Variants in TBC1D9B observed in about 807,000 individuals in gnomAD.
The protein encoded by TBC1D9B is TBC1 domain family member 9B.
Under a neutral mutation model 121.1 loss-of-function variants are expected in TBC1D9B, and 87 were observed. The ratio of observed to expected loss-of-function variants is 0.72; its 90% CI spans 0.60 to 0.86. The LOEUF (loss-of-function observed/expected upper bound fraction) is 0.86, where lower values mean the gene tolerates loss of function less well. TBC1D9B is among the 40% of genes least tolerant of loss of function. TBC1D9B has a pLI of 0.00. For synonymous variants in TBC1D9B, 668 were observed against 670.1 expected (o/e 1.00, Z 0.05); for missense variants, 1,540 against 1,628.6 (o/e 0.95, Z 0.94).
chr5:179,878,569 T>C (rs1458973417), intron 9 of TBC1D9B, 46 bp from the exon 10 acceptor site: 2 of 1,542,812 alleles, frequency 1.3e-6, no homozygotes, highest in Admixed American at 2.0e-5. Flanking sequence ...CTTCTGGTAC[T>C]TTGGGGGCAG....
chr5:179,904,552 G>A lies in TBC1D9B; in HGVS notation c.229+150C>T, dbSNP rs966823080. 1.4e-4 allele frequency: 101 copies of A among 718,642 alleles called. 1 individual carries two copies. The highest frequency in any genetic ancestry group is 2.2e-4 in the Non-Finnish European group (96 of 428,552). The allele number at this position is 718,642 out of a possible 1,614,324, so 44.5% of individuals were successfully genotyped here. A position where few individuals can be genotyped will look rare whatever the true frequency, so the allele number is the denominator to read the frequency against. ...GGAGCTGCCTTTCTAAGATGGAAGC[G>A]AAGGCTCCTCCACTTCCCTCTTGCA... On this transcript the variant is annotated intron_variant, in intron 2 of 20. Transcript: ENST00000355235. The surrounding 1 kb of genome is among the most constrained non-coding windows in gnomAD (Gnocchi z 4.2).
intron 16 of TBC1D9B, 104 bp downstream of exon 16, chr5:179,870,151 C>A (rs1760145056): frequency 2.6e-6 from 4 of 1,544,090 alleles, no homozygotes; most frequent in Non-Finnish European, 2.6e-6. Flanking sequence ...CAAGCTGCCC[C>A]CTACTTGCTG....
chr5:179,897,227 G>A (rs2113644636), intron 3 of TBC1D9B, among the ~76,000 whole-genome samples: 1 of 152,064 alleles, frequency 6.6e-6, no homozygotes. Flanking sequence ...TCTTTTGTAA[G>A]ACTGAAGGCT....
intron 10 of TBC1D9B, among the ~76,000 whole-genome samples, chr5:179,876,271 C>T (rs972609130): frequency 2.6e-5 from 4 of 152,210 alleles, no homozygotes; most frequent in African/African-American, 9.7e-5. Context: ...ACTGCCCCTA[C>T]CCAACTCTGG....
rs1760821039 is a variant in TBC1D9B at position 179,890,183 on chromosome 5, C to T, written c.1044+1196G>A. ...AGCTGCGTGCGCAAAAGCCTGCAGG[C>T]TGGAACGTGGAGGAGCAGGTGTGTT... On this transcript the variant is annotated intron_variant, in intron 6 of 20. Coordinates refer to ENST00000355235, the MANE Select transcript of TBC1D9B (RefSeq NM_015043.4). The surrounding 1 kb of genome is among the most constrained non-coding windows in gnomAD (Gnocchi z 5.0). Among the ~76,000 whole-genome samples the T allele has an allele frequency of 6.6e-6, 1 of 152,218 alleles. No individual in the cohort carries two copies.
chr5:179,879,275 C>T (rs763302335), intron 8 of TBC1D9B, 78 bp from the exon 9 acceptor site: 30 of 1,526,090 alleles, frequency 2.0e-5, no homozygotes, highest in Non-Finnish European at 2.4e-5. Context: ...GCGGAAGCCT[C>T]GTGAACACTC....
At chr5:179,880,310 G>A (rs1399459263) in intron 7 of TBC1D9B, among the ~76,000 whole-genome samples, 1 of 152,258 alleles carries the variant, frequency 6.6e-6, no homozygotes, top group East Asian at 1.9e-4. Context: ...AAGGCCTGCT[G>A]CTGCCATCAT....
intron 7 of TBC1D9B, chr5:179,884,244 C>T (rs1315332957): frequency 2.0e-5 from 3 of 152,216 alleles, no homozygotes; most frequent in Non-Finnish European, 4.4e-5. Flanking sequence ...GGCTGTCTCT[C>T]AGATTCACTT....
At chr5:179,866,002 GC>G in intron 18 of TBC1D9B, 114 bp from the exon 19 acceptor site, 4 of 1,321,936 alleles carry the variant, frequency 3.0e-6, no homozygotes, top group Non-Finnish European at 4.3e-6. Context: ...CCCAGGCCAG[GC>G]CCTGGGGAGC....
At chr5:179,881,996 G>A (rs1409186958) in intron 7 of TBC1D9B, among the ~76,000 whole-genome samples, 1 of 145,238 alleles carries the variant, frequency 6.9e-6, no homozygotes, top group Non-Finnish European at 1.5e-5. Flanking sequence ...CCAGGCAGGA[G>A]TACAGAGGTG....
At chr5:179,873,018 C>T (rs765970760) in intron 13 of TBC1D9B, 28 bp from the exon 14 acceptor site, 43 of 1,613,776 alleles carry the variant, frequency 2.7e-5, no homozygotes, top group Non-Finnish European at 3.6e-5. Context: ...TTGGTGAGAT[C>T]AAGCCAACTG....
chr5:179,873,102 C>T lies in TBC1D9B; in HGVS notation c.2316+17G>A, dbSNP rs1428910501. The T allele has an allele frequency of 6.2e-7, 1 of 1,610,302 alleles. No individual in the cohort carries two copies. The highest frequency in any genetic ancestry group is 8.5e-7 in the Non-Finnish European group (1 of 1,177,856). On this transcript the variant is annotated intron_variant, in intron 13 of 20. Coordinates refer to ENST00000355235, the MANE Select transcript of TBC1D9B (RefSeq NM_015043.4). ...AGATGGAGCGGCCTGGCCAAAATGGCCCCACTGGGTGCTGACCTCATAGGA... is the reference window on the plus strand; with the variant it reads ...AGATGGAGCGGCCTGGCCAAAATGGTCCCACTGGGTGCTGACCTCATAGGA...
chr5:179,891,649 A>G lies in TBC1D9B; in HGVS notation c.837-63T>C. On this transcript the variant is annotated intron_variant, in intron 5 of 20. Transcript: ENST00000355235. This position sits in a 1 kb window ranked among gnomAD's most constrained non-coding sequence, Gnocchi z 4.3. The stretch of plus-strand genomic sequence containing the variant: ...CAAGGTCAGGACCAGCACACTCTCA[A>G]GGAAGCCTTGGGGCCTCCCCAGGCC... The G allele has an allele frequency of 6.3e-7, 1 of 1,580,250 alleles. No homozygotes were observed. The highest frequency in any genetic ancestry group is 8.6e-7 in the Non-Finnish European group (1 of 1,160,834).
At chr5:179,867,475 G>T (rs447727) in intron 18 of TBC1D9B, 3 of 1,559,948 alleles carry the variant, frequency 1.9e-6, no homozygotes, top group Non-Finnish European at 2.6e-6. Flanking sequence ...AAAAGATCCA[G>T]ATCTGAGGCC....
In TBC1D9B at chr5:179,879,696, T is replaced by C. The variant is rs748366380; in HGVS notation, c.1348A>G (p.Thr450Ala). The C allele has an allele frequency of 3.1e-6, 5 of 1,614,154 alleles. No individual in the cohort carries two copies. Among genetic ancestry groups the C allele is most frequent in the South Asian group, 2.2e-5 (2 of 91,084 alleles). The change falls in exon 8 of 21, where the codon ACC (threonine) becomes GCC (alanine). Residue 450 changes from threonine (T) to alanine (A), a missense_variant. By Grantham distance (58) the Thr-to-Ala change is moderately conservative. Coordinates refer to ENST00000355235, the MANE Select transcript of TBC1D9B (RefSeq NM_015043.4). The stretch of plus-strand genomic sequence containing the variant: ...AGCTTCAGCAGGCCCTGGGATGCGG[T>C]TGGCGCCTCCTGCGCACAGAAGCTC... ...RQSFCAQEAP[T>A]ASQGLLKLFQ...
In TBC1D9B at chr5:179,864,054, G is replaced by A. The variant is rs767826736; in HGVS notation, c.3096C>T (p.His1032=). 33 of 1,613,590 alleles carry A rather than the reference G, an allele frequency of 2.0e-5. No individual in the cohort carries two copies. The highest frequency in any genetic ancestry group is 9.3e-5 in the African/African-American group (7 of 74,934). Residue 1032 remains histidine, a synonymous_variant, in exon 21 of 21, where the codon CAC becomes CAT. Coordinates refer to ENST00000355235, the MANE Select transcript of TBC1D9B (RefSeq NM_015043.4). ...GGAGGCTGGCCACGGTGGCGATGGC[G>A]TGGTACAGGTCCTGCTCCATGGGGT... ...SEDPMEQDLY[H]AIATVASLLL...
chr5:179,899,188 C>A lies in TBC1D9B; in HGVS notation c.348+1G>T, dbSNP rs755343885. 2 of 1,600,630 alleles carry A rather than the reference C, an allele frequency of 1.2e-6. No homozygotes were observed. The highest frequency in any genetic ancestry group is 1.7e-6 in the Non-Finnish European group (2 of 1,172,374). The stretch of plus-strand genomic sequence containing the variant: ...AACAGAGAGTGGCGGGTAAACCTTA[C>A]GTGTATCTTGCCCTTGACGAAGGTG... On this transcript the variant is annotated splice_donor_variant, in intron 3 of 20. Coordinates refer to ENST00000355235, the MANE Select transcript of TBC1D9B (RefSeq NM_015043.4). LOFTEE classifies it high-confidence loss of function.
In TBC1D9B at chr5:179,866,106, G is replaced by A. The variant is rs1759999299; in HGVS notation, c.2864-218C>T. On this transcript the variant is annotated intron_variant, in intron 18 of 20. Coordinates refer to ENST00000355235, the MANE Select transcript of TBC1D9B (RefSeq NM_015043.4). ...CCTGAGCATTCCCTCACTTGGTCAG[G>A]TTAAAATAAAGGCCGCCAAACCCTC... 3 of 553,314 alleles carry A rather than the reference G, an allele frequency of 5.4e-6. No individual in the cohort carries two copies. The Admixed American group carries it at 9.8e-5, about 18-fold the overall frequency. The allele number at this position is 553,314 out of a possible 1,614,324, so 34.3% of individuals were successfully genotyped here. A position where few individuals can be genotyped will look rare whatever the true frequency, so the allele number is the denominator to read the frequency against.
At chr5:179,899,801 C>A (rs1185289272) in intron 2 of TBC1D9B, among the ~76,000 whole-genome samples, 1 of 152,126 alleles carries the variant, frequency 6.6e-6, no homozygotes, top group Non-Finnish European at 1.5e-5. Context: ...CCCTGGCCAG[C>A]GAGGCTCCTG....
Sources: allele counts gnomAD v4.1 joint callset (sites outside exome capture counted in the v4.1 genomes callset), GRCh38; gene constraint gnomAD v4.1.1; non-coding constraint Gnocchi (gnomAD v3.1); transcripts MANE v1.5; gene names NCBI Gene and HGNC (gene_info 2026-07-23, HGNC 2026-07-21).